VPS13A: variants seen among roughly 807,000 people sequenced by gnomAD.
VPS13A encodes intermembrane lipid transfer protein VPS13A.
In VPS13A, 264 loss-of-function variants were observed where a neutral mutation model predicts 390.9. The observed-to-expected ratio is 0.68, with a 90% CI of 0.61 to 0.75. VPS13A has a LOEUF of 0.75. Among genes scored for constraint, VPS13A ranks in the 30% least tolerant of loss-of-function variants. The pLI, the probability that VPS13A is intolerant of heterozygous loss-of-function variation, is 0.00. For synonymous variants in VPS13A, 1,231 were observed against 1,227.1 expected (o/e 1.00, Z -0.07); for missense variants, 3,409 against 3,733.9 (o/e 0.91, Z 2.27).
intron 68 of VPS13A, among the ~76,000 whole-genome samples, chr9:77,386,296 G>A (rs968349416): frequency 6.6e-6 from 1 of 152,126 alleles, no homozygotes; most frequent in African/African-American, 2.4e-5. Flanking sequence ...ATATGCTTAA[G>A]GAAGGAAGAG....
At chr9:77,349,806 G>A (rs1223804006) in intron 52 of VPS13A, among the ~76,000 whole-genome samples, 1 of 151,894 alleles carries the variant, frequency 6.6e-6, no homozygotes, top group African/African-American at 2.4e-5. Context: ...ACTATGCCCG[G>A]CTAATTTTCA....
intron 1 of VPS13A, among the ~76,000 whole-genome samples, chr9:77,188,879 T>G (rs879414594): frequency 1.2e-4 from 18 of 149,680 alleles, no homozygotes; most frequent in East Asian, 1.9e-4. Flanking sequence ...TGATGTTGAG[T>G]TTTTTTTTTC....
chr9:77,219,928 T>G, intron 10 of VPS13A, 26 bp from the exon 11 acceptor site: 1 of 1,611,572 alleles, frequency 6.2e-7, no homozygotes, highest in Non-Finnish European at 8.5e-7. Context: ...TAACTCAGTT[T>G]TTTTTCCATT....
In VPS13A at chr9:77,420,897, G is replaced by A. The variant is rs188289052; in HGVS notation, c.*4891G>A. On this transcript the variant is annotated 3_prime_UTR_variant, in exon 72 of 72. Transcript: ENST00000360280. The stretch of plus-strand genomic sequence containing the variant: ...AGTTCTTAGGCTGAAAAACATTCAA[G>A]TAAAAATGTAGCATAGATTACACTG... 2 of 151,814 alleles carry A rather than the reference G, an allele frequency of 1.3e-5. No homozygotes were observed. Among genetic ancestry groups the A allele is most frequent in the African/African-American group, 4.9e-5 (2 of 41,134 alleles). The allele number at this position is 151,814 out of a possible 1,614,324, so 9.4% of individuals were successfully genotyped here. A position where few individuals can be genotyped will look rare whatever the true frequency, so the allele number is the denominator to read the frequency against.
intron 68 of VPS13A, among the ~76,000 whole-genome samples, chr9:77,384,088 G>C (rs1054497966): frequency 6.6e-6 from 1 of 151,266 alleles, no homozygotes; most frequent in Non-Finnish European, 1.5e-5. Flanking sequence ...CATCTCATCT[G>C]CCTAGATTTT....
intron 19 of VPS13A, among the ~76,000 whole-genome samples, chr9:77,240,478 G>GTTTTTTTT (rs11351060): frequency 4.0e-5 from 5 of 126,066 alleles, no homozygotes; most frequent in Non-Finnish European, 8.2e-5. Flanking sequence ...TTATGTTTTT[G>GTTTTTTTT]TTTTTTTTTT....
At chr9:77,367,536 A>G (rs943516681) in intron 61 of VPS13A, among the ~76,000 whole-genome samples, 1 of 152,262 alleles carries the variant, frequency 6.6e-6, no homozygotes, top group Non-Finnish European at 1.5e-5. Flanking sequence ...TATTCTACTT[A>G]GCAACAAGAA....
intron 33 of VPS13A, among the ~76,000 whole-genome samples, chr9:77,296,171 T>C (rs1247761302): frequency 2.0e-5 from 3 of 152,248 alleles, no homozygotes; most frequent in Non-Finnish European, 2.9e-5. Context: ...TAATGTAATA[T>C]GTTTATTCAC....
intron 1 of VPS13A, among the ~76,000 whole-genome samples, chr9:77,186,898 C>T (rs967414123): frequency 1.3e-5 from 2 of 152,170 alleles, no homozygotes; most frequent in African/African-American, 4.8e-5. Flanking sequence ...CCCATTCCAC[C>T]GTCTTCCCAG....
chr9:77,390,761 C>T (rs2131628523), intron 68 of VPS13A, among the ~76,000 whole-genome samples: 1 of 151,676 alleles, frequency 6.6e-6, no homozygotes, highest in East Asian at 2.0e-4. Context: ...TCACTGCAGC[C>T]TTGAACTCCT....
intron 24 of VPS13A, among the ~76,000 whole-genome samples, chr9:77,274,426 CAA>C (rs889400152): frequency 4.0e-4 from 25 of 62,204 alleles, no homozygotes; most frequent in African/African-American, 9.4e-4. Context: ...GAGTCCGAAT[CAA>C]AAAAAAAAAA....
At chr9:77,195,150 G>A (rs1053989902) in intron 1 of VPS13A, among the ~76,000 whole-genome samples, 2 of 152,092 alleles carry the variant, frequency 1.3e-5, no homozygotes, top group East Asian at 2.0e-4. Context: ...TTTGAATATG[G>A]TATAAGCCTG....
At chr9:77,197,246 G>C (rs931214853) in intron 1 of VPS13A, among the ~76,000 whole-genome samples, 3 of 152,094 alleles carry the variant, frequency 2.0e-5, no homozygotes, top group Non-Finnish European at 4.4e-5. Flanking sequence ...GCTGTTGGTG[G>C]GTGGAGTGTT....
intron 31 of VPS13A, among the ~76,000 whole-genome samples, chr9:77,292,215 T>G (rs1827712664): frequency 6.6e-6 from 1 of 152,190 alleles, no homozygotes; most frequent in African/African-American, 2.4e-5. Flanking sequence ...GCTCCTCACG[T>G]GTGTGGCTCT....
At chr9:77,408,022 C>G (rs1438574293) in intron 71 of VPS13A, among the ~76,000 whole-genome samples, 2 of 152,104 alleles carry the variant, frequency 1.3e-5, no homozygotes, top group East Asian at 3.8e-4. Context: ...TGACACAGAC[C>G]AAAGGGAGCC....
Position 77,276,075 on chromosome 9 carries a change from A to G in VPS13A, c.2678A>G (p.Glu893Gly), listed in dbSNP as rs540941684. 4.3e-6 allele frequency: 7 copies of G among 1,612,128 alleles called. No homozygotes were observed. The South Asian group carries it at 7.7e-5, about 18-fold the overall frequency. ...TTCTTTCTTCTCCAGGTTTTGATCG[A>G]GTTTTATCACCTTGTTGGAGATTGT... ...IRFEVPKVLIEFYHLVGDCEL... is the reference protein window; with the variant it reads ...IRFEVPKVLIGFYHLVGDCEL... Residue 893 changes from glutamate to glycine, a missense_variant, in exon 26 of 72, where the codon GAG (glutamate) becomes GGG (glycine). By Grantham distance (98) the Glu-to-Gly change is moderately conservative. Coordinates refer to ENST00000360280, the MANE Select transcript of VPS13A (RefSeq NM_033305.3).
intron 68 of VPS13A, 35 bp from the exon 69 acceptor site, chr9:77,403,201 C>A: frequency 6.7e-7 from 1 of 1,499,516 alleles, no homozygotes; most frequent in South Asian, 1.1e-5. Context: ...GAAATACTAT[C>A]AATTTTCTCA....
chr9:77,272,416 G>A (rs1826403380), intron 23 of VPS13A, among the ~76,000 whole-genome samples: 1 of 152,166 alleles, frequency 6.6e-6, no homozygotes, highest in African/African-American at 2.4e-5. Flanking sequence ...AGTGCTACAA[G>A]CAAAAGCAAA....
chr9:77,266,372 T>A (rs566479323), intron 23 of VPS13A, among the ~76,000 whole-genome samples: 1 of 152,338 alleles, frequency 6.6e-6, no homozygotes, highest in Admixed American at 6.5e-5. Flanking sequence ...CTTCTTGATC[T>A]GTCTAATATT....
Sources: gnomAD v4.1 joint callset for allele counts (sites outside exome capture counted in the v4.1 genomes callset) on GRCh38, gnomAD v4.1.1 for gene constraint, MANE v1.5 for transcripts, NCBI Gene and HGNC (gene_info 2026-07-23, HGNC 2026-07-21) for gene names.